CCDC178: variants seen among roughly 807,000 people sequenced by gnomAD.
CCDC178 encodes the protein coiled-coil domain-containing protein 178.
In CCDC178, 126 loss-of-function variants were observed where a neutral mutation model predicts 117.4. That is an observed-to-expected ratio of 1.07 (90% CI 0.93 to 1.24). CCDC178 has a LOEUF of 1.24. Ranked by LOEUF, CCDC178 falls within the 50% of genes most tolerant of loss-of-function variation. CCDC178 has a pLI of 0.00. For missense variants in CCDC178, 1,030 were observed against 986.9 expected (o/e 1.04, Z -0.59); for synonymous variants, 283 against 313.4 (o/e 0.90, Z 1.02).
intron 20 of CCDC178, among the ~76,000 whole-genome samples, chr18:33,178,495 A>G (rs2058690335): frequency 6.6e-6 from 1 of 152,082 alleles, no homozygotes; most frequent in Non-Finnish European, 1.5e-5. Context: ...CATCCTCTTT[A>G]TAAAGAGTCA....
At chr18:33,316,269 C>T (rs2062414657) in intron 11 of CCDC178, among the ~76,000 whole-genome samples, 1 of 152,200 alleles carries the variant, frequency 6.6e-6, no homozygotes, top group Non-Finnish European at 1.5e-5. Flanking sequence ...GCGGTGCTTG[C>T]GGGATAGCGC....
chr18:33,249,535 C>T (rs2059591927), intron 14 of CCDC178, among the ~76,000 whole-genome samples: 1 of 152,020 alleles, frequency 6.6e-6, no homozygotes, highest in Non-Finnish European at 1.5e-5. Flanking sequence ...ATCCTTTCCC[C>T]ATTGCTTGTT....
rs538973872 is a variant in CCDC178 at position 33,217,655 on chromosome 18, T to C, written c.1933-1960A>G. ...AAATAAATGGTAATTTGTATTTTAG[T>C]TATTTCTTAGCACAGAAGCAAATTA... On this transcript the variant is annotated intron_variant, in intron 18 of 22. Coordinates refer to ENST00000383096, the MANE Select transcript of CCDC178 (RefSeq NM_001105528.4). Among the ~76,000 whole-genome samples the C allele has an allele frequency of 7.9e-4, 120 of 152,188 alleles. 1 individual carries two copies. Among genetic ancestry groups the C allele is most frequent in the Middle Eastern group, 3.4e-3 (1 of 294 alleles).
chr18:33,053,927 TTATAA>T (rs1286038508), intron 21 of CCDC178, among the ~76,000 whole-genome samples: 2 of 152,194 alleles, frequency 1.3e-5, no homozygotes, highest in African/African-American at 4.8e-5. Context: ...CATAAAATCC[TTATAA>T]TGTAATGGTA....
intron 5 of CCDC178, among the ~76,000 whole-genome samples, chr18:33,377,853 A>G (rs2063385865): frequency 6.6e-6 from 1 of 151,978 alleles, no homozygotes; most frequent in South Asian, 2.1e-4. Flanking sequence ...TACTGTAGCC[A>G]TGTAGTATAA....
Position 32,942,411 on chromosome 18 carries a change from T to C in CCDC178, c.2524-4320A>G, listed in dbSNP as rs532103457. 1.7e-4 allele frequency among the ~76,000 whole-genome samples: 26 copies of C among 152,254 alleles called. No individual in the cohort carries two copies. In the South Asian group the frequency reaches 4.6e-3, roughly 27 times the overall value. On this transcript the variant is annotated intron_variant, in intron 22 of 22. Coordinates refer to ENST00000383096, the MANE Select transcript of CCDC178 (RefSeq NM_001105528.4). ...TGTAAATCTTCTTTTACAGTTGATT[T>C]ATACTGCAATTAAGGCAGAGAAGAA...
At chr18:33,011,482 G>A (rs1240159542) in intron 21 of CCDC178, among the ~76,000 whole-genome samples, 1 of 151,914 alleles carries the variant, frequency 6.6e-6, no homozygotes, top group Non-Finnish European at 1.5e-5. Flanking sequence ...CTCAATGAGC[G>A]GAAGCCTGCA....
intron 21 of CCDC178, among the ~76,000 whole-genome samples, chr18:33,055,814 T>C (rs1355678147): frequency 6.6e-6 from 1 of 151,848 alleles, no homozygotes; most frequent in Non-Finnish European, 1.5e-5. Context: ...ATAATTTTTT[T>C]TTTTTTTTGA....
At chr18:33,029,310 A>C (rs2056288995) in intron 21 of CCDC178, among the ~76,000 whole-genome samples, 1 of 151,942 alleles carries the variant, frequency 6.6e-6, no homozygotes, top group African/African-American at 2.4e-5. Flanking sequence ...TCAAATGTTC[A>C]TACTCCTCAC....
At chr18:33,140,248 C>T (rs1426652288) in intron 20 of CCDC178, among the ~76,000 whole-genome samples, 1 of 152,068 alleles carries the variant, frequency 6.6e-6, no homozygotes, top group East Asian at 1.9e-4. Context: ...GGGGTCAGAG[C>T]CCCCACAATG....
At chr18:33,079,430 A>G (rs934147436) in intron 21 of CCDC178, among the ~76,000 whole-genome samples, 2 of 152,220 alleles carry the variant, frequency 1.3e-5, no homozygotes, top group African/African-American at 4.8e-5. Context: ...GACAAATGGG[A>G]TCTAATTAAA....
chr18:33,184,136 G>C (rs2058762993), intron 20 of CCDC178, among the ~76,000 whole-genome samples: 1 of 151,990 alleles, frequency 6.6e-6, no homozygotes, highest in Non-Finnish European at 1.5e-5. Context: ...TTGTTTTTTA[G>C]TGTATATAAT....
At chr18:33,049,005 A>G (rs2056695526) in intron 21 of CCDC178, among the ~76,000 whole-genome samples, 1 of 152,178 alleles carries the variant, frequency 6.6e-6, no homozygotes, top group Admixed American at 6.5e-5. Context: ...AAAATTAAAA[A>G]TTGTAGTGAC....
intron 6 of CCDC178, 33 bp downstream of exon 6, chr18:33,370,017 C>A (rs781612443): frequency 2.6e-6 from 4 of 1,511,146 alleles, no homozygotes; most frequent in Non-Finnish European, 3.5e-6. Flanking sequence ...ATAAAGCTTA[C>A]CAAAATATCA....
chr18:33,348,589 A>C (rs2062927449), intron 8 of CCDC178, among the ~76,000 whole-genome samples: 1 of 151,940 alleles, frequency 6.6e-6, no homozygotes, highest in African/African-American at 2.4e-5. Context: ...TACACATGGA[A>C]TACTGATTAT....
chr18:32,990,259 G>C (rs1482845725), intron 21 of CCDC178, among the ~76,000 whole-genome samples: 1 of 152,056 alleles, frequency 6.6e-6, no homozygotes, highest in Non-Finnish European at 1.5e-5. Context: ...TAGGAAAAAT[G>C]ATTATAAAAT....
chr18:33,342,581 C>T (rs950096668), intron 9 of CCDC178, among the ~76,000 whole-genome samples: 2 of 152,112 alleles, frequency 1.3e-5, no homozygotes, highest in Non-Finnish European at 2.9e-5. Context: ...TTCTATTCAC[C>T]CTTTTGTATT....
intron 20 of CCDC178, among the ~76,000 whole-genome samples, chr18:33,187,533 A>G (rs1036830054): frequency 2.6e-5 from 4 of 152,054 alleles, no homozygotes; most frequent in African/African-American, 9.7e-5. Context: ...TTCAGGGAGG[A>G]CTCAGGGATC....
intron 20 of CCDC178, among the ~76,000 whole-genome samples, chr18:33,156,693 ATT>A (rs1403636144): frequency 6.6e-6 from 1 of 151,714 alleles, no homozygotes; most frequent in Non-Finnish European, 1.5e-5. Flanking sequence ...GAAGTACTGA[ATT>A]GTTTCAGATG....
Sources: allele counts gnomAD v4.1 joint callset (sites outside exome capture counted in the v4.1 genomes callset), GRCh38; gene constraint gnomAD v4.1.1; transcripts MANE v1.5; gene names NCBI Gene and HGNC (gene_info 2026-07-23, HGNC 2026-07-21).